Variants in ZNF407 observed in about 807,000 individuals in gnomAD.
ZNF407 encodes zinc finger protein 407.
In ZNF407, 17 loss-of-function variants were observed where a neutral mutation model predicts 131.2. That is an observed-to-expected ratio of 0.13 (90% CI 0.09 to 0.19). ZNF407 has a LOEUF of 0.19. ZNF407 is among the 10% of genes least tolerant of loss of function. The pLI is 1.00. For missense variants in ZNF407, 2,681 were observed against 2,830.6 expected, an observed-to-expected ratio of 0.95 and a Z score of 1.20; for synonymous variants, 1,156 against 1,062.0, an observed-to-expected ratio of 1.09 and a Z score of -1.72.
At chr18:75,010,845 T>G (rs1245284454) in intron 8 of ZNF407, among the ~76,000 whole-genome samples, 1 of 152,166 alleles carries the variant, frequency 6.6e-6, no homozygotes, top group Non-Finnish European at 1.5e-5. Context: ...AAAAAGCATA[T>G]ATTTGAAGAG....
chr18:74,957,432 C>T (rs1972289275), intron 8 of ZNF407, among the ~76,000 whole-genome samples: 1 of 151,896 alleles, frequency 6.6e-6, no homozygotes, highest in Non-Finnish European at 1.5e-5. Flanking sequence ...ACTCTCTCCT[C>T]TCTGTTGTCT....
At chr18:75,052,871 C>T (rs17056220) in intron 8 of ZNF407, among the ~76,000 whole-genome samples, 20,829 of 152,180 alleles carry the variant, frequency 0.14, 1,482 homozygotes, top group South Asian at 0.21. Flanking sequence ...AGCGTTCGGA[C>T]CCATACCGCA....
At chr18:74,672,482 T>A in intron 3 of ZNF407, among the ~76,000 whole-genome samples, 1 of 82,506 alleles carries the variant, frequency 1.2e-5, no homozygotes, top group Non-Finnish European at 3.1e-5. Flanking sequence ...TGGAGCACCG[T>A]TTGTCTGTTC....
chr18:74,918,362 T>A lies in ZNF407; in HGVS notation c.5250-2152T>A, dbSNP rs151085584. On this transcript the variant is annotated intron_variant, in intron 7 of 8. Transcript: ENST00000299687. ...TACAGCCTGTGTAGCCAGCTCATCA[T>A]TGTGATATTTACCTTCTTCTCTGTG... Among the ~76,000 whole-genome samples, 31 of 152,318 alleles carry A rather than the reference T, an allele frequency of 2.0e-4. No individual in the cohort carries two copies. In the East Asian group the frequency reaches 3.9e-3, roughly 19 times the overall value.
At chr18:74,648,385 G>A (rs1985072523) in intron 3 of ZNF407, among the ~76,000 whole-genome samples, 1 of 152,138 alleles carries the variant, frequency 6.6e-6, no homozygotes, top group African/African-American at 2.4e-5. Context: ...TGGGTGAGGT[G>A]GGCAGGGGTC....
At chr18:74,807,776 A>T (rs1283096575) in intron 4 of ZNF407, among the ~76,000 whole-genome samples, 2 of 151,960 alleles carry the variant, frequency 1.3e-5, no homozygotes, top group Non-Finnish European at 2.9e-5. Context: ...TCCCCCACAG[A>T]TTTTATTGTA....
intron 3 of ZNF407, among the ~76,000 whole-genome samples, chr18:74,749,011 T>C (rs1968735928): frequency 1.3e-5 from 2 of 152,126 alleles, no homozygotes; most frequent in Non-Finnish European, 2.9e-5. Flanking sequence ...CGCTTGGTGC[T>C]CATGGGCAGA....
At chr18:74,759,065 G>T (rs539043561) in intron 3 of ZNF407, among the ~76,000 whole-genome samples, 1 of 152,098 alleles carries the variant, frequency 6.6e-6, no homozygotes, top group African/African-American at 2.4e-5. Flanking sequence ...GTGTATCTGG[G>T]TGTGTCTTCA....
chr18:74,840,177 T>C (rs987659746), intron 4 of ZNF407, among the ~76,000 whole-genome samples: 1 of 152,178 alleles, frequency 6.6e-6, no homozygotes, highest in Non-Finnish European at 1.5e-5. Flanking sequence ...TTCCCGTACC[T>C]TACTAGTAAC....
intron 8 of ZNF407, among the ~76,000 whole-genome samples, chr18:75,044,993 A>G (rs1022514542): frequency 6.9e-6 from 1 of 143,912 alleles, no homozygotes; most frequent in Admixed American, 7.4e-5. Flanking sequence ...AAAAGAGTGC[A>G]TTGTCAGCAA....
intron 3 of ZNF407, among the ~76,000 whole-genome samples, chr18:74,728,811 A>G (rs1280232430): frequency 3.3e-5 from 5 of 152,196 alleles, no homozygotes; most frequent in Non-Finnish European, 5.9e-5. Flanking sequence ...CATCACAAGG[A>G]GGGCACAGAG....
At chr18:74,914,149 A>T (rs1380947359) in intron 7 of ZNF407, among the ~76,000 whole-genome samples, 1 of 152,122 alleles carries the variant, frequency 6.6e-6, no homozygotes, top group East Asian at 1.9e-4. Flanking sequence ...CCTGGTGAGG[A>T]GTGTGAAGCT....
intron 4 of ZNF407, among the ~76,000 whole-genome samples, chr18:74,824,843 A>G (rs1256978636): frequency 2.6e-5 from 4 of 152,208 alleles, no homozygotes; most frequent in Admixed American, 2.0e-4. Flanking sequence ...AAAAGAGGGA[A>G]TCCTCCCTAA....
At chr18:74,836,021 A>T (rs1301371239) in intron 4 of ZNF407, among the ~76,000 whole-genome samples, 3 of 152,118 alleles carry the variant, frequency 2.0e-5, no homozygotes, top group African/African-American at 7.2e-5. Flanking sequence ...AAAAAAAAAA[A>T]AAAGAGGCAG....
intron 3 of ZNF407, among the ~76,000 whole-genome samples, chr18:74,725,057 A>G (rs538098184): frequency 4.5e-4 from 68 of 152,366 alleles, no homozygotes; most frequent in African/African-American, 1.6e-3. Flanking sequence ...TATGTCACGC[A>G]TGTTCCTACA....
At chr18:74,638,815 A>G (rs148010237) in intron 2 of ZNF407, among the ~76,000 whole-genome samples, 120 of 152,332 alleles carry the variant, frequency 7.9e-4, no homozygotes, top group African/African-American at 2.4e-3. Context: ...CAATTTTACA[A>G]TTTTGTCTTA....
intron 3 of ZNF407, among the ~76,000 whole-genome samples, chr18:74,754,974 T>G (rs2144954649): frequency 6.6e-6 from 1 of 152,306 alleles, no homozygotes; most frequent in East Asian, 1.9e-4. Context: ...TATTATTGTG[T>G]GGGAGTCCTA....
chr18:74,803,265 C>T (rs1185390212), intron 4 of ZNF407, among the ~76,000 whole-genome samples: 3 of 152,168 alleles, frequency 2.0e-5, no homozygotes, highest in Non-Finnish European at 4.4e-5. Context: ...GGGCTGACAT[C>T]AGCACTGTGG....
intron 7 of ZNF407, among the ~76,000 whole-genome samples, chr18:74,917,030 G>A (rs1971781274): frequency 1.3e-5 from 2 of 152,126 alleles, no homozygotes; most frequent in Admixed American, 1.3e-4. Context: ...CCAGTGGCAG[G>A]AAGAAGGGTG....
Sources: gnomAD v4.1 joint callset for allele counts (sites outside exome capture counted in the v4.1 genomes callset) on GRCh38, gnomAD v4.1.1 for gene constraint, MANE v1.5 for transcripts, NCBI Gene and HGNC (gene_info 2026-07-23, HGNC 2026-07-21) for gene names.